RASSF3: variants seen among roughly 807,000 people sequenced by gnomAD.
RASSF3 encodes the protein Ras association domain family member 3.
RASSF3 carries 19 observed loss-of-function variants against 19.9 expected under a neutral mutation model. The ratio of observed to expected loss-of-function variants is 0.96; its 90% CI spans 0.67 to 1.40. RASSF3 has a LOEUF of 1.40. RASSF3 is among the 40% of genes most tolerant of loss of function. RASSF3 has a pLI of 0.00. For synonymous variants in RASSF3, 110 were observed against 104.2 expected (o/e 1.06, Z -0.34); for missense variants, 306 against 289.8 (o/e 1.06, Z -0.41).
intron 1 of RASSF3, among the ~76,000 whole-genome samples, chr12:64,625,737 G>C (rs1055613528): frequency 6.9e-6 from 1 of 145,796 alleles, no homozygotes; most frequent in African/African-American, 2.6e-5. Context: ...GCCGTGGCTG[G>C]GTTCCCAGCC....
intron 2 of RASSF3, among the ~76,000 whole-genome samples, chr12:64,552,077 G>A (rs1869173887): frequency 6.6e-6 from 1 of 152,164 alleles, no homozygotes; most frequent in African/African-American, 2.4e-5. Context: ...GGGCCTTAGA[G>A]TTAGTTTTAT....
At chr12:64,618,109 T>C (rs1870616026) in intron 1 of RASSF3, among the ~76,000 whole-genome samples, 1 of 152,202 alleles carries the variant, frequency 6.6e-6, no homozygotes, top group Non-Finnish European at 1.5e-5. Context: ...TCTTTTCTTT[T>C]TTCATTTTTA....
intron 2 of RASSF3, among the ~76,000 whole-genome samples, chr12:64,562,051 T>A (rs1431540647): frequency 2.0e-5 from 3 of 151,380 alleles, no homozygotes; most frequent in Admixed American, 6.6e-5. Context: ...AGAGTCTTGC[T>A]CTGTTGCCCA....
chr12:64,607,961 G>T (rs1280485011), upstream of RASSF3, among the ~76,000 whole-genome samples: 2 of 151,842 alleles, frequency 1.3e-5, no homozygotes, highest in African/African-American at 4.8e-5. Flanking sequence ...TAGAGACAGG[G>T]TCTCATTTTG....
chr12:64,541,440 C>A, intron 1 of RASSF3: 1 of 395,446 alleles, frequency 2.5e-6, no homozygotes, highest in Non-Finnish European at 4.5e-6. Context: ...AACAGATGGG[C>A]CCCACACAAA....
intron 2 of RASSF3, among the ~76,000 whole-genome samples, chr12:64,602,470 A>G (rs1296781594): frequency 6.6e-6 from 1 of 151,294 alleles, no homozygotes; most frequent in Non-Finnish European, 1.5e-5. Context: ...AGTCCCAGCT[A>G]CTCTGGAGGC....
upstream of RASSF3, among the ~76,000 whole-genome samples, chr12:64,531,084 G>C (rs1868698137): frequency 6.6e-6 from 1 of 151,862 alleles, no homozygotes; most frequent in Admixed American, 6.6e-5. Context: ...TCTATGAATT[G>C]TGCTTTTGTC....
At chr12:64,577,978 G>C (rs1250433605) in intron 2 of RASSF3, among the ~76,000 whole-genome samples, 1 of 152,044 alleles carries the variant, frequency 6.6e-6, no homozygotes, top group Non-Finnish European at 1.5e-5. Context: ...CAGCACTTTG[G>C]GAGGCCGAGG....
chr12:64,611,888 G>A (rs1870378871), intron 1 of RASSF3, among the ~76,000 whole-genome samples: 1 of 152,144 alleles, frequency 6.6e-6, no homozygotes, highest in Non-Finnish European at 1.5e-5. Context: ...GTCTTTTCAG[G>A]CTCTTAAGTC....
intron 1 of RASSF3, among the ~76,000 whole-genome samples, chr12:64,672,219 GTTATC>G (rs1872724378): frequency 6.6e-6 from 1 of 151,712 alleles, no homozygotes; most frequent in African/African-American, 2.4e-5. Context: ...ATTTTATTTT[GTTATC>G]TTATTTATTT....
At chr12:64,610,823 G>A (rs1016605536) in intron 1 of RASSF3, 80 bp downstream of exon 1, 3 of 834,464 alleles carry the variant, frequency 3.6e-6, no homozygotes, top group Non-Finnish European at 5.3e-6. Context: ...CTGCCTCCAC[G>A]TGTCTCTGCG....
chr12:64,694,301 T>C (rs1319463723), intron 4 of RASSF3, among the ~76,000 whole-genome samples: 2 of 152,058 alleles, frequency 1.3e-5, no homozygotes, highest in Non-Finnish European at 2.9e-5. Context: ...GAATAGATGA[T>C]AGTAGCTAGC....
chr12:64,513,311 A>T (rs1348072579), intron 1 of RASSF3, among the ~76,000 whole-genome samples: 1 of 151,982 alleles, frequency 6.6e-6, no homozygotes, highest in Non-Finnish European at 1.5e-5. Flanking sequence ...GTAGCCAGTC[A>T]TGGTGGTGGG....
chr12:64,673,263 T>C (rs1449196936), intron 1 of RASSF3, among the ~76,000 whole-genome samples: 2 of 152,178 alleles, frequency 1.3e-5, no homozygotes. Context: ...TGAGATGTTA[T>C]ATATAATCTT....
intron 1 of RASSF3, among the ~76,000 whole-genome samples, chr12:64,662,412 C>A (rs1429217258): frequency 1.3e-5 from 2 of 151,788 alleles, no homozygotes; most frequent in African/African-American, 2.4e-5. Flanking sequence ...CAGATTGAGA[C>A]CCTGTCTCAA....
upstream of RASSF3, among the ~76,000 whole-genome samples, chr12:64,532,673 A>AAT (rs1304351057): frequency 6.7e-6 from 1 of 148,864 alleles, no homozygotes; most frequent in Admixed American, 6.7e-5. Flanking sequence ...AAAAAAAAAA[A>AAT]TTTTTTTTTT....
intron 1 of RASSF3, among the ~76,000 whole-genome samples, chr12:64,682,399 G>C (rs967473353): frequency 6.6e-6 from 1 of 151,896 alleles, no homozygotes. Flanking sequence ...GTGAAACCCC[G>C]TCTCTACTAA....
intron 1 of RASSF3, among the ~76,000 whole-genome samples, chr12:64,523,065 T>C (rs1285709332): frequency 1.3e-5 from 2 of 152,210 alleles, no homozygotes; most frequent in Admixed American, 1.3e-4. Flanking sequence ...TTAAAACTGC[T>C]GCCCTGTTCT....
At chr12:64,618,087 A>G (rs949519456) in intron 1 of RASSF3, among the ~76,000 whole-genome samples, 7 of 152,154 alleles carry the variant, frequency 4.6e-5, no homozygotes, top group African/African-American at 1.7e-4. Context: ...TTTATTTTCC[A>G]GGTCTCTTTT....
Sources: gnomAD v4.1 joint callset for allele counts (sites outside exome capture counted in the v4.1 genomes callset) on GRCh38, gnomAD v4.1.1 for gene constraint, MANE v1.5 for transcripts, NCBI Gene and HGNC (gene_info 2026-07-23, HGNC 2026-07-21) for gene names.